SSH2: variants seen among roughly 807,000 people sequenced by gnomAD.
SSH2 encodes protein phosphatase Slingshot homolog 2.
A neutral mutation model predicts 135.2 loss-of-function variants in SSH2; 37 were observed. The observed-to-expected ratio is 0.27, with a 90% CI of 0.21 to 0.36. SSH2 has a LOEUF of 0.36. Ranked by LOEUF, SSH2 falls within the 10% of genes least tolerant of loss-of-function variation. The pLI, the probability that SSH2 is intolerant of heterozygous loss-of-function variation, is 1.00. For missense variants in SSH2, 1,408 were observed against 1,765.3 expected, an observed-to-expected ratio of 0.80 and a Z score of 3.63; for synonymous variants, 628 against 646.2, an observed-to-expected ratio of 0.97 and a Z score of 0.43.
chr17:29,719,953 T>G (rs893334970), intron 3 of SSH2, among the ~76,000 whole-genome samples: 2 of 152,184 alleles, frequency 1.3e-5, no homozygotes, highest in Non-Finnish European at 2.9e-5. Flanking sequence ...GAGATGGGGT[T>G]TCACCATGTT....
chr17:29,705,905 T>C (rs2039181152), intron 3 of SSH2, among the ~76,000 whole-genome samples: 1 of 152,220 alleles, frequency 6.6e-6, no homozygotes, highest in Non-Finnish European at 1.5e-5. Flanking sequence ...TATCATAAAC[T>C]AAAATTATAT....
chr17:29,867,785 G>A (rs1009234850), intron 1 of SSH2, among the ~76,000 whole-genome samples: 7 of 152,152 alleles, frequency 4.6e-5, no homozygotes, highest in African/African-American at 1.2e-4. Context: ...CTATTTCCTC[G>A]CAAGTAAAGA....
intron 1 of SSH2, among the ~76,000 whole-genome samples, chr17:29,902,312 T>G (rs2066572543): frequency 6.6e-6 from 1 of 152,208 alleles, no homozygotes; most frequent in Non-Finnish European, 1.5e-5. Flanking sequence ...GTGTCATAAC[T>G]ACTTTAAAAT....
At chr17:29,666,789 A>T in intron 11 of SSH2, 78 bp downstream of exon 11, 2 of 1,381,430 alleles carry the variant, frequency 1.4e-6, no homozygotes, top group Non-Finnish European at 2.0e-6. Flanking sequence ...ATGTATAATA[A>T]AATTTAATAA....
chr17:29,687,928 T>C (rs534612073), intron 5 of SSH2, among the ~76,000 whole-genome samples: 2 of 152,176 alleles, frequency 1.3e-5, no homozygotes, highest in African/African-American at 4.8e-5. Context: ...ATAAGTATTA[T>C]CTATAATGCA....
At chr17:29,683,748 G>T (rs111813467) in intron 6 of SSH2, among the ~76,000 whole-genome samples, 2,036 of 147,172 alleles carry the variant, frequency 0.014, 23 homozygotes, top group Middle Eastern at 0.031. Flanking sequence ...CCAACATAAG[G>T]AAATCTTCTC....
chr17:29,819,273 TG>T, intron 2 of SSH2, among the ~76,000 whole-genome samples: 1 of 152,238 alleles, frequency 6.6e-6, no homozygotes, highest in East Asian at 1.9e-4. Context: ...AAGCATATCC[TG>T]GGGTCAGTAA....
chr17:29,773,843 A>G (rs1276636229), intron 3 of SSH2, among the ~76,000 whole-genome samples: 2 of 152,012 alleles, frequency 1.3e-5, no homozygotes, highest in Non-Finnish European at 2.9e-5. Context: ...ACACTTGGCT[A>G]ATTTTTAGTA....
intron 1 of SSH2, 103 bp downstream of exon 1, chr17:29,929,835 G>A: frequency 8.9e-7 from 1 of 1,129,894 alleles, no homozygotes; most frequent in East Asian, 2.6e-5. Context: ...CAAGGCCTGG[G>A]AAGCGGCGCG....
intron 2 of SSH2, among the ~76,000 whole-genome samples, chr17:29,813,569 G>A (rs530034541): frequency 6.6e-6 from 1 of 152,248 alleles, no homozygotes; most frequent in Non-Finnish European, 1.5e-5. Context: ...TGTAATCCCA[G>A]CACTTTGGGA....
chr17:29,812,670 C>G (rs1162501670), intron 2 of SSH2, among the ~76,000 whole-genome samples: 1 of 152,160 alleles, frequency 6.6e-6, no homozygotes, highest in East Asian at 1.9e-4. Flanking sequence ...GCGGGTGGAT[C>G]ACGAGGTCAG....
intron 1 of SSH2, among the ~76,000 whole-genome samples, chr17:29,852,555 T>C (rs2065581600): frequency 7.2e-6 from 1 of 138,730 alleles, no homozygotes; most frequent in Admixed American, 7.2e-5. Context: ...AACCTGGTAA[T>C]TTTTTTTTTT....
intron 2 of SSH2, among the ~76,000 whole-genome samples, chr17:29,845,054 A>G (rs1225340872): frequency 2.6e-5 from 4 of 152,254 alleles, no homozygotes; most frequent in African/African-American, 9.6e-5. Flanking sequence ...TGATTTGCAC[A>G]TGAGTCAATC....
In SSH2 at chr17:29,636,581, G is replaced by T. The variant is rs777611334; in HGVS notation, c.1649C>A (p.Thr550Asn). The T allele has an allele frequency of 6.2e-7, 1 of 1,614,056 alleles. No individual in the cohort carries two copies. The highest frequency in any genetic ancestry group is 8.5e-7 in the Non-Finnish European group (1 of 1,180,006). Residue 550 changes from threonine (T) to asparagine (N), a missense_variant, in exon 15 of 16, where the codon ACC (threonine) becomes AAC (asparagine). Physicochemically the swap from Thr to Asn is moderately conservative, Grantham distance 65 (BLOSUM62 0). Coordinates refer to ENST00000540801, the MANE Select transcript of SSH2 (RefSeq NM_001282129.2). Reference protein sequence around the residue: ...PQDANQKGLCTKERMICLEFT... With the variant: ...PQDANQKGLCNKERMICLEFT... ...CTCCAAGCAGATCATTCTTTCTTTG[G>T]TACACAGGCCTTTCTGATTTGCATC...
intron 12 of SSH2, among the ~76,000 whole-genome samples, chr17:29,651,909 G>A (rs537886133): frequency 1.5e-4 from 23 of 152,280 alleles, no homozygotes; most frequent in African/African-American, 5.1e-4. Context: ...CTGGGAGGCC[G>A]AGGTGGGCGG....
chr17:29,736,339 T>C (rs1363735194), intron 3 of SSH2, among the ~76,000 whole-genome samples: 4 of 152,204 alleles, frequency 2.6e-5, no homozygotes, highest in Non-Finnish European at 4.4e-5. Flanking sequence ...ATGACAGTAC[T>C]TATTTTCCAG....
chr17:29,764,300 A>G (rs944022652), intron 3 of SSH2, among the ~76,000 whole-genome samples: 1 of 152,202 alleles, frequency 6.6e-6, no homozygotes, highest in African/African-American at 2.4e-5. Flanking sequence ...GCAAACTGGG[A>G]TACCTTTAAG....
At chr17:29,655,350 G>A (rs1397914374) in intron 12 of SSH2, among the ~76,000 whole-genome samples, 3 of 152,112 alleles carry the variant, frequency 2.0e-5, no homozygotes, top group Non-Finnish European at 4.4e-5. Context: ...TGATCCACCC[G>A]CCTCAGCTTC....
intron 1 of SSH2, among the ~76,000 whole-genome samples, chr17:29,862,849 TC>T (rs973189770): frequency 3.3e-5 from 5 of 152,182 alleles, no homozygotes; most frequent in Non-Finnish European, 5.9e-5. Context: ...CATCTCTCAG[TC>T]CAAATCTCAC....
Sources: allele counts gnomAD v4.1 joint callset (sites outside exome capture counted in the v4.1 genomes callset), GRCh38; gene constraint gnomAD v4.1.1; transcripts MANE v1.5; gene names NCBI Gene and HGNC (gene_info 2026-07-23, HGNC 2026-07-21).